Variants in INPP4B observed in about 807,000 individuals in gnomAD.
The protein encoded by INPP4B is inositol polyphosphate 4-phosphatase type II.
In INPP4B, 55 loss-of-function variants were observed where a neutral mutation model predicts 122.5. The ratio of observed to expected loss-of-function variants is 0.45; its 90% confidence interval spans 0.36 to 0.56. The LOEUF is 0.56. Among genes scored for constraint, INPP4B ranks in the 20% least tolerant of loss-of-function variants. The pLI, the probability that INPP4B is intolerant of heterozygous loss-of-function variation, is 0.00. For missense variants in INPP4B, 1,000 were observed against 1,097.7 expected (o/e 0.91, Z 1.26); for synonymous variants, 403 against 388.7 (o/e 1.04, Z -0.43).
intron 2 of INPP4B, among the ~76,000 whole-genome samples, chr4:142,520,375 T>C (rs1303871916): frequency 6.6e-6 from 1 of 151,932 alleles, no homozygotes; most frequent in Non-Finnish European, 1.5e-5. Flanking sequence ...AAATTTGATA[T>C]TTTCATTTAA....
intron 17 of INPP4B, among the ~76,000 whole-genome samples, chr4:142,149,731 C>G (rs2152859265): frequency 6.6e-6 from 1 of 152,266 alleles, no homozygotes; most frequent in Admixed American, 6.5e-5. Context: ...CATGGACCCT[C>G]AAGTTTGAGA....
intron 3 of INPP4B, among the ~76,000 whole-genome samples, chr4:142,442,693 C>A (rs1580075071): frequency 6.6e-6 from 1 of 152,202 alleles, no homozygotes; most frequent in East Asian, 1.9e-4. Context: ...CTCAGGGCAA[C>A]CAACTAGTTG....
chr4:142,152,540 G>A (rs959491968), intron 17 of INPP4B, among the ~76,000 whole-genome samples: 13 of 152,058 alleles, frequency 8.5e-5, no homozygotes, highest in African/African-American at 2.9e-4. Flanking sequence ...CATCTTTTCC[G>A]ACTGTCACAT....
chr4:142,405,890 A>G (rs1242095869), intron 5 of INPP4B, among the ~76,000 whole-genome samples: 1 of 152,054 alleles, frequency 6.6e-6, no homozygotes, highest in African/African-American at 2.4e-5. Flanking sequence ...GGATTTTTAA[A>G]GCCCTGGTCT....
At chr4:142,709,104 T>C (rs943591788) in intron 2 of INPP4B, among the ~76,000 whole-genome samples, 2 of 152,150 alleles carry the variant, frequency 1.3e-5, no homozygotes, top group Non-Finnish European at 2.9e-5. Context: ...CCTTGCTGGG[T>C]CTTGGACTTG....
chr4:142,676,079 A>T (rs1018077002), intron 2 of INPP4B, among the ~76,000 whole-genome samples: 6 of 152,202 alleles, frequency 3.9e-5, no homozygotes, highest in Non-Finnish European at 7.3e-5. Context: ...AGATGACATG[A>T]TTGTATATTT....
At chr4:142,738,180 T>G (rs1767280441) in intron 1 of INPP4B, among the ~76,000 whole-genome samples, 1 of 152,188 alleles carries the variant, frequency 6.6e-6, no homozygotes, top group African/African-American at 2.4e-5. Context: ...CGCAGCACTA[T>G]TCACAGTAGC....
chr4:142,631,035 C>G (rs1747826380), intron 2 of INPP4B, among the ~76,000 whole-genome samples: 1 of 152,024 alleles, frequency 6.6e-6, no homozygotes, highest in South Asian at 2.1e-4. Context: ...CAAATTATTT[C>G]TCCAATTAAA....
At chr4:142,749,505 T>C (rs1011391583) in intron 1 of INPP4B, among the ~76,000 whole-genome samples, 1 of 150,516 alleles carries the variant, frequency 6.6e-6, no homozygotes, top group African/African-American at 2.4e-5. Context: ...TAAAAGAAAA[T>C]GATGTAGCCA....
Position 142,553,607 on chromosome 4 carries a change from T to C in INPP4B, c.-190-90881A>G, listed in dbSNP as rs936957449. On this transcript the variant is annotated intron_variant, in intron 2 of 25. Coordinates refer to ENST00000262992, the MANE Select transcript of INPP4B (RefSeq NM_001101669.3). ...CCTTCAGATGGGATATGCTGAGACA[T>C]AGTCCATGCTGGCTTCTAGGGTTCC... is the stretch of plus-strand genomic sequence containing the variant. Among the ~76,000 whole-genome samples, 6 of 152,184 alleles carry C rather than the reference T, an allele frequency of 3.9e-5. No individual in the cohort carries two copies. The East Asian group carries it at 7.7e-4, about 20-fold the overall frequency.
At chr4:142,799,416 T>C (rs1777726113) in intron 1 of INPP4B, among the ~76,000 whole-genome samples, 1 of 151,914 alleles carries the variant, frequency 6.6e-6, no homozygotes, top group South Asian at 2.1e-4. Flanking sequence ...GCAACCACTT[T>C]TGATACTTTG....
At chr4:142,778,966 G>A (rs1180993882) in intron 1 of INPP4B, among the ~76,000 whole-genome samples, 2 of 151,978 alleles carry the variant, frequency 1.3e-5, no homozygotes, top group African/African-American at 4.8e-5. Flanking sequence ...ATTTATACTT[G>A]TCCCTCCCCA....
At chr4:142,408,807 C>T in intron 5 of INPP4B, among the ~76,000 whole-genome samples, 1 of 152,106 alleles carries the variant, frequency 6.6e-6, no homozygotes, top group East Asian at 1.9e-4. Flanking sequence ...TAATTTCTGC[C>T]TTCTTAATGG....
intron 2 of INPP4B, among the ~76,000 whole-genome samples, chr4:142,603,067 T>C (rs907983083): frequency 2.0e-5 from 3 of 152,326 alleles, no homozygotes; most frequent in Middle Eastern, 6.8e-3. Flanking sequence ...AACAAGATCA[T>C]GTCCTTTGCA....
At chr4:142,800,787 C>G (rs1246831120) in intron 1 of INPP4B, among the ~76,000 whole-genome samples, 1 of 152,052 alleles carries the variant, frequency 6.6e-6, no homozygotes, top group Non-Finnish European at 1.5e-5. Flanking sequence ...CTCCTTAGTA[C>G]TATGCTTGGA....
intron 9 of INPP4B, among the ~76,000 whole-genome samples, chr4:142,297,185 A>G (rs937572279): frequency 6.6e-6 from 1 of 152,224 alleles, no homozygotes. Flanking sequence ...TGATTCAACC[A>G]AATTGCTGTC....
chr4:142,104,989 A>G (rs2152669897), intron 23 of INPP4B, among the ~76,000 whole-genome samples: 1 of 152,216 alleles, frequency 6.6e-6, no homozygotes, highest in South Asian at 2.1e-4. Context: ...AGGACCAACA[A>G]TATAGTACTT....
chr4:142,114,164 A>G (rs1380358497), intron 21 of INPP4B, among the ~76,000 whole-genome samples: 1 of 152,000 alleles, frequency 6.6e-6, no homozygotes, highest in East Asian at 1.9e-4. Flanking sequence ...TAATTAGCGA[A>G]TAGAATTCTA....
chr4:142,829,139 C>G (rs995178908), intron 1 of INPP4B, among the ~76,000 whole-genome samples: 1 of 149,430 alleles, frequency 6.7e-6, no homozygotes, highest in Non-Finnish European at 1.5e-5. Flanking sequence ...GAAAAAGGAG[C>G]AAGAAGTCAA....
Sources: allele counts gnomAD v4.1 joint callset (sites outside exome capture counted in the v4.1 genomes callset), GRCh38; gene constraint gnomAD v4.1.1; transcripts MANE v1.5; gene names NCBI Gene and HGNC (gene_info 2026-07-23, HGNC 2026-07-21).